PRKN: variants seen among roughly 807,000 people sequenced by gnomAD.
The protein encoded by PRKN is parkin RBR E3 ubiquitin protein ligase.
PRKN carries 56 observed loss-of-function variants against 59.5 expected under a neutral mutation model. The observed-to-expected ratio is 0.94, with a 90% CI of 0.76 to 1.18. The LOEUF is 1.18. PRKN is among the 50% of genes most tolerant of loss of function. The pLI is 0.00. For synonymous variants in PRKN, 250 were observed against 222.1 expected, an observed-to-expected ratio of 1.13 and a Z score of -1.12; for missense variants, 657 against 596.4, an observed-to-expected ratio of 1.10 and a Z score of -1.06.
At chr6:161,756,861 C>T (rs1191136985) in intron 7 of PRKN, among the ~76,000 whole-genome samples, 2 of 151,980 alleles carry the variant, frequency 1.3e-5, no homozygotes, top group Non-Finnish European at 2.9e-5. Flanking sequence ...CTACAGAAAT[C>T]AAGACAGTAC....
At chr6:162,377,551 T>C (rs1786183961) in intron 2 of PRKN, among the ~76,000 whole-genome samples, 1 of 152,216 alleles carries the variant, frequency 6.6e-6, no homozygotes, top group African/African-American at 2.4e-5. Context: ...AGGGGATCTA[T>C]TCAGTTCGAT....
At chr6:161,570,136 A>AT (rs1302503218) in intron 7 of PRKN, among the ~76,000 whole-genome samples, 23 of 135,154 alleles carry the variant, frequency 1.7e-4, no homozygotes, top group African/African-American at 3.8e-4. Flanking sequence ...AAAAAAAAAA[A>AT]AAAAAAAAAA....
At chr6:161,928,748 G>A (rs1779060396) in intron 6 of PRKN, among the ~76,000 whole-genome samples, 1 of 152,172 alleles carries the variant, frequency 6.6e-6, no homozygotes, top group African/African-American at 2.4e-5. Context: ...GGGTCAGAGT[G>A]TAGTTAAGAA....
In PRKN at chr6:161,388,083, C is replaced by G. The variant is rs1786347440; in HGVS notation, c.1084-1206G>C. Among the ~76,000 whole-genome samples, 1 of 152,206 alleles carries G rather than the reference C, an allele frequency of 6.6e-6. No homozygotes were observed. The highest frequency in any genetic ancestry group is 2.4e-5 in the African/African-American group (1 of 41,460). On this transcript the variant is annotated intron_variant, in intron 9 of 11. Transcript: ENST00000366898. The surrounding 1 kb of genome is among the most constrained non-coding windows in gnomAD (Gnocchi z 4.3). ...ACGTCCCATTCTCATCGCCACCAGCCATGCTCTGAAGTTACTGTCACGGTT... is the reference window on the plus strand; with the variant it reads ...ACGTCCCATTCTCATCGCCACCAGCGATGCTCTGAAGTTACTGTCACGGTT...
intron 3 of PRKN, among the ~76,000 whole-genome samples, chr6:162,242,403 A>G (rs747556712): frequency 1.3e-5 from 2 of 152,174 alleles, no homozygotes; most frequent in African/African-American, 2.4e-5. Context: ...CAGACTGCCT[A>G]ACATGAACCT....
At chr6:161,625,502 T>G (rs1783052119) in intron 7 of PRKN, among the ~76,000 whole-genome samples, 1 of 152,160 alleles carries the variant, frequency 6.6e-6, no homozygotes. Context: ...ACATGGCACA[T>G]GTACACCTAT....
chr6:161,519,781 T>C (rs1455660095), intron 9 of PRKN, among the ~76,000 whole-genome samples: 1 of 152,186 alleles, frequency 6.6e-6, no homozygotes, highest in East Asian at 1.9e-4. Flanking sequence ...ATGCAATTCT[T>C]AGAGTACCTT....
intron 9 of PRKN, among the ~76,000 whole-genome samples, chr6:161,452,318 A>G (rs1789776030): frequency 6.6e-6 from 1 of 152,226 alleles, no homozygotes; most frequent in Non-Finnish European, 1.5e-5. Context: ...GAGGACTTAA[A>G]TAACTTATAA....
intron 6 of PRKN, among the ~76,000 whole-genome samples, chr6:161,926,748 A>C (rs576201931): frequency 6.6e-6 from 1 of 152,290 alleles, no homozygotes; most frequent in Admixed American, 6.5e-5. Context: ...TTTAAAATGA[A>C]AACATAGGAG....
At position 161,913,815 on chromosome 6, in the gene PRKN, T is replaced by C. The variant is rs112951270; in HGVS notation, c.734+59487A>G. On this transcript the variant is annotated intron_variant, in intron 6 of 11. Transcript: ENST00000366898. ...GTAGGTGGAGCGTCTGGGAGGTAAT[T>C]AGATCTATATGAAGTCATGAAAGCA... Among the ~76,000 whole-genome samples the C allele has an allele frequency of 7.4e-4, 113 of 152,210 alleles. 3 individuals carry two copies. Among genetic ancestry groups the C allele is most frequent in the Non-Finnish European group, 1.2e-4 (8 of 68,038 alleles).
chr6:162,218,277 G>A (rs1777784857), intron 3 of PRKN, among the ~76,000 whole-genome samples: 1 of 152,202 alleles, frequency 6.6e-6, no homozygotes, highest in African/African-American at 2.4e-5. Context: ...CAGCAGGGGT[G>A]GAGAACTCCT....
intron 6 of PRKN, among the ~76,000 whole-genome samples, chr6:161,891,690 C>A (rs1256782820): frequency 6.6e-6 from 1 of 152,192 alleles, no homozygotes; most frequent in Non-Finnish European, 1.5e-5. Context: ...GCATGCATAT[C>A]TACAGGGGGT....
chr6:162,059,734 T>C lies in PRKN; in HGVS notation c.535-5560A>G, dbSNP rs1365681620. Among the ~76,000 whole-genome samples, 4 of 152,140 alleles carry C rather than the reference T, an allele frequency of 2.6e-5. 1 individual carries two copies. Among genetic ancestry groups the C allele is most frequent in the Non-Finnish European group, 1.5e-5 (1 of 68,018 alleles). ...TAATAGGAAAAATTTGGCTGGTTTT[T>C]AGAGAACGTTCTCTTTTTTTTTGCC... On this transcript the variant is annotated intron_variant, in intron 4 of 11. Transcript: ENST00000366898.
rs553614518 is a variant in PRKN at position 161,862,574 on chromosome 6, T to TC, written c.735-76667dup. The stretch of plus-strand genomic sequence containing the variant: ...CTCAAGAGTATAAATTCCCATGAGC[T>TC]CCCCTACTGTGACCCCAGCCTGGAG... On this transcript the variant is annotated intron_variant, in intron 6 of 11. Transcript: ENST00000366898. Among the ~76,000 whole-genome samples, 900 of 151,970 alleles carry TC rather than the reference T, an allele frequency of 5.9e-3. 3 individuals carry two copies. The highest frequency in any genetic ancestry group is 9.2e-3 in the Non-Finnish European group (623 of 67,990).
chr6:162,060,248 A>C (rs1258106386), intron 4 of PRKN, among the ~76,000 whole-genome samples: 2 of 152,236 alleles, frequency 1.3e-5, no homozygotes, highest in Non-Finnish European at 2.9e-5. Context: ...AATTACAATG[A>C]AAACCTTAGT....
intron 7 of PRKN, chr6:161,783,541 C>T (rs188451916): frequency 3.5e-5 from 16 of 458,522 alleles, no homozygotes; most frequent in Non-Finnish European, 5.8e-5. Flanking sequence ...TGTTTGAAAT[C>T]GTCTAAAATA....
rs116772628 is a variant in PRKN at position 162,417,922 on chromosome 6, T to C, written c.171+25388A>G. Among the ~76,000 whole-genome samples, 1,435 of 152,248 alleles carry C rather than the reference T, an allele frequency of 9.4e-3. 29 individuals are homozygous for C. Among genetic ancestry groups the C allele is most frequent in the African/African-American group, 0.032 (1,347 of 41,532 alleles). ...GATTACTGATATGAAGCACAATAAA[T>C]ATAGACAAGCATTTGGAAAACAGCC... On this transcript the variant is annotated intron_variant, in intron 2 of 11. Coordinates refer to ENST00000366898, the MANE Select transcript of PRKN (RefSeq NM_004562.3).
intron 6 of PRKN, among the ~76,000 whole-genome samples, chr6:161,843,791 AAAT>A (rs1793087062): frequency 6.6e-6 from 1 of 152,204 alleles, no homozygotes; most frequent in African/African-American, 2.4e-5. Flanking sequence ...CTCCATCTCT[AAAT>A]AAATTCATTC....
rs1310829793 is a variant in PRKN, at chr6:161,554,036, T to C, written c.934-5033A>G. On this transcript the variant is annotated intron_variant, in intron 8 of 11. Transcript: ENST00000366898. The surrounding 1 kb of genome is among the most constrained non-coding windows in gnomAD (Gnocchi z 4.5). ...TGTTCAGTGCTCCTAAGTTAGTCAT[T>C]GTTTCTAAGTCCTCTCAGTTCTCAC... Among the ~76,000 whole-genome samples, 1 of 152,208 alleles carries C rather than the reference T, an allele frequency of 6.6e-6. No individual in the cohort carries two copies. Among genetic ancestry groups the C allele is most frequent in the Non-Finnish European group, 1.5e-5 (1 of 68,044 alleles).
Sources: allele counts gnomAD v4.1 joint callset (sites outside exome capture counted in the v4.1 genomes callset), GRCh38; gene constraint gnomAD v4.1.1; non-coding constraint Gnocchi (gnomAD v3.1); transcripts MANE v1.5; gene names NCBI Gene and HGNC (gene_info 2026-07-23, HGNC 2026-07-21).